The following NLRP11 variants were observed in gnomAD, a reference collection of about 807,000 sequenced individuals.
The protein encoded by NLRP11 is NLR family pyrin domain containing 11.
Under a neutral mutation model 79.3 loss-of-function variants are expected in NLRP11, and 53 were observed. The ratio of observed to expected loss-of-function variants is 0.67; its 90% CI spans 0.54 to 0.84. The LOEUF (loss-of-function observed/expected upper bound fraction) is 0.84, where lower values mean the gene tolerates loss of function less well. Ranked by LOEUF, NLRP11 falls within the 40% of genes least tolerant of loss-of-function variation. NLRP11 has a pLI of 0.00. For missense variants in NLRP11, 1,264 were observed against 1,255.0 expected (o/e 1.01, Z -0.11); for synonymous variants, 518 against 462.6 (o/e 1.12, Z -1.54).
intron 9 of NLRP11, 137 bp from the exon 10 acceptor site, chr19:55,786,008 A>T (rs1489314799): frequency 1.1e-6 from 1 of 873,380 alleles, no homozygotes; most frequent in Non-Finnish European, 1.8e-6. Context: ...GGAAACAAAA[A>T]TCTGTTCCAG....
At chr19:55,819,160 C>T (rs1337477456) in intron 1 of NLRP11, among the ~76,000 whole-genome samples, 1 of 149,132 alleles carries the variant, frequency 6.7e-6, no homozygotes, top group African/African-American at 2.5e-5. Context: ...CACACACACA[C>T]ACACACACAC....
chr19:55,789,220 G>A lies in NLRP11; in HGVS notation c.2684+9C>T, dbSNP rs1426632200. 6.2e-7 allele frequency: 1 copy of A among 1,602,930 alleles called. No individual in the cohort carries two copies. On this transcript the variant is annotated intron_variant, in intron 8 of 9. Coordinates refer to ENST00000589093, the Ensembl canonical transcript of NLRP11. ...TAAAGGCAGGGATCTTTCTCCACCA[G>A]GCACCTACCCAATATTCACCAACAT...
At chr19:55,821,231 A>G (rs1311585578) in intron 1 of NLRP11, among the ~76,000 whole-genome samples, 1 of 106,564 alleles carries the variant, frequency 9.4e-6, no homozygotes, top group African/African-American at 6.4e-5. Context: ...ACACACACAC[A>G]CACACACACA....
At chr19:55,812,686 G>T (rs948499978) in intron 2 of NLRP11, among the ~76,000 whole-genome samples, 6 of 152,006 alleles carry the variant, frequency 3.9e-5, no homozygotes, top group Non-Finnish European at 7.4e-5. Flanking sequence ...TGATGTGGAG[G>T]TTCCTCAAAA....
intron 1 of NLRP11, among the ~76,000 whole-genome samples, chr19:55,822,033 T>G (rs8103550): frequency 0.046 from 6,959 of 152,192 alleles, 416 homozygotes; most frequent in African/African-American, 0.13. Flanking sequence ...CCGAGGTGGG[T>G]GGATCACCTG....
intron 7 of NLRP11, among the ~76,000 whole-genome samples, chr19:55,790,470 A>G (rs904919217): frequency 1.3e-5 from 2 of 152,220 alleles, no homozygotes; most frequent in African/African-American, 2.4e-5. Flanking sequence ...CTAACAATAC[A>G]TAAGTTTCTT....
intron 1 of NLRP11, among the ~76,000 whole-genome samples, chr19:55,823,780 C>T (rs532076948): frequency 0.047 from 7,036 of 149,048 alleles, 228 homozygotes; most frequent in Middle Eastern, 0.07. Flanking sequence ...ACCAAATCTA[C>T]GTCTGATTGG....
intron 2 of NLRP11, among the ~76,000 whole-genome samples, chr19:55,814,347 A>G (rs1474830075): frequency 2.0e-5 from 3 of 152,130 alleles, no homozygotes; most frequent in East Asian, 1.9e-4. Context: ...TATATATTAC[A>G]ATGTAATAGA....
rs768558361 is a variant in NLRP11 at position 55,801,748 on chromosome 19, G to A, written c.2004-9C>T. On this transcript the variant is annotated splice_polypyrimidine_tract_variant and intron_variant, in intron 4 of 9. Coordinates refer to ENST00000589093, the Ensembl canonical transcript of NLRP11. ...TCGAGACATAGGACAACCTGTGGAA[G>A]ACATAATAGCAGGAAAGCACTAGTG... 6.2e-7 allele frequency: 1 copy of A among 1,613,502 alleles called. No individual in the cohort carries two copies. Among genetic ancestry groups the A allele is most frequent in the East Asian group, 2.2e-5 (1 of 44,874 alleles).
chr19:55,830,854 A>C (rs529190899), intron 1 of NLRP11, among the ~76,000 whole-genome samples: 3 of 152,220 alleles, frequency 2.0e-5, no homozygotes, highest in South Asian at 2.1e-4. Context: ...GCATCAGATT[A>C]GCTGATCACC....
chr19:55,800,442 G>A (rs1219486959), intron 5 of NLRP11, among the ~76,000 whole-genome samples: 2 of 152,062 alleles, frequency 1.3e-5, no homozygotes, highest in African/African-American at 4.8e-5. Flanking sequence ...CGCATAGCTG[G>A]GATTACAGGC....
intron 9 of NLRP11, among the ~76,000 whole-genome samples, chr19:55,787,678 C>CT (rs1035495391): frequency 1.5e-4 from 23 of 152,256 alleles, no homozygotes; most frequent in African/African-American, 5.3e-4. Context: ...TGAGATGTCA[C>CT]TTTTTTGGTG....
intron 2 of NLRP11, 78 bp downstream of exon 2, chr19:55,817,826 A>C (rs1304439631): frequency 1.7e-6 from 2 of 1,200,826 alleles, no homozygotes; most frequent in African/African-American, 3.1e-5. Context: ...TTTAGAAAAA[A>C]AAAAAAAAAA....
chr19:55,835,303 G>T (rs1381098020), upstream of NLRP11, among the ~76,000 whole-genome samples: 1 of 152,228 alleles, frequency 6.6e-6, no homozygotes, highest in Non-Finnish European at 1.5e-5. Context: ...AGGGAAGCTG[G>T]AATAGCAGGA....
rs148165845 is a variant in NLRP11, at chr19:55,818,959, G to A, written c.-62-723C>T. On this transcript the variant is annotated intron_variant, in intron 1 of 9. Coordinates refer to ENST00000589093, the Ensembl canonical transcript of NLRP11. ...TTAAACACAGCCCAAATAAGCAGATGTTTAGCCATGTAGAGCCTGCCCGCT... is the reference window on the plus strand; with the variant it reads ...TTAAACACAGCCCAAATAAGCAGATATTTAGCCATGTAGAGCCTGCCCGCT... Among the ~76,000 whole-genome samples the A allele has an allele frequency of 4.0e-3, 602 of 152,150 alleles. 6 individuals carry two copies. Among genetic ancestry groups the A allele is most frequent in the African/African-American group, 0.013 (560 of 41,500 alleles).
At chr19:55,814,935 C>A (rs904463925) in intron 2 of NLRP11, among the ~76,000 whole-genome samples, 1 of 152,110 alleles carries the variant, frequency 6.6e-6, no homozygotes, top group Non-Finnish European at 1.5e-5. Context: ...AGAGTCCCCA[C>A]GGATTGTTAT....
At chr19:55,792,031 A>AC (rs1324478538) in intron 7 of NLRP11, among the ~76,000 whole-genome samples, 1 of 87,078 alleles carries the variant, frequency 1.1e-5, no homozygotes, top group African/African-American at 3.4e-5. Context: ...TGCTATGTCC[A>AC]CCCGGGGCAG....
intron 1 of NLRP11, among the ~76,000 whole-genome samples, chr19:55,830,755 A>AACT (rs1982681121): frequency 6.6e-6 from 1 of 152,140 alleles, no homozygotes; most frequent in Admixed American, 6.6e-5. Flanking sequence ...CTGTTGACTG[A>AACT]ACTATAAGGT....
chr19:55,810,271 A>C, exon 3 of NLRP11: 1 of 1,614,058 alleles, frequency 6.2e-7, no homozygotes, highest in South Asian at 1.1e-5. Flanking sequence ...GAAATTTTCC[A>C]AAAGTGTGAC....
Sources: gnomAD v4.1 joint callset for allele counts (sites outside exome capture counted in the v4.1 genomes callset) on GRCh38, gnomAD v4.1.1 for gene constraint, MANE v1.5 for transcripts, NCBI Gene and HGNC (gene_info 2026-07-23, HGNC 2026-07-21) for gene names.